AGAP1: variants seen among roughly 807,000 people sequenced by gnomAD.
AGAP1 encodes ArfGAP with GTPase domain, ankyrin repeat and PH domain 1, also known as arf-GAP with GTPase, ANK repeat and PH domain-containing protein 1.
In AGAP1, 29 loss-of-function variants were observed where a neutral mutation model predicts 105.3. The observed-to-expected ratio is 0.28, with a 90% CI of 0.21 to 0.38. The LOEUF (loss-of-function observed/expected upper bound fraction) is 0.38. Among genes scored for constraint, AGAP1 ranks in the 10% least tolerant of loss-of-function variants. AGAP1 has a pLI of 1.00. For missense variants in AGAP1, 998 were observed against 1,165.1 expected (o/e 0.86, Z 2.09); for synonymous variants, 509 against 485.9 (o/e 1.05, Z -0.63).
At chr2:235,656,785 G>T (rs60472451) in intron 1 of AGAP1, among the ~76,000 whole-genome samples, 5,776 of 152,176 alleles carry the variant, frequency 0.038, 296 homozygotes, top group African/African-American at 0.11. Context: ...GAATTAAAAA[G>T]AAAATTTTAT....
chr2:235,670,304 C>T (rs1412039662), intron 1 of AGAP1: 2 of 458,918 alleles, frequency 4.4e-6, no homozygotes, highest in Non-Finnish European at 7.6e-6. Context: ...GCCCGGGAGG[C>T]TTGAGGAGGA....
chr2:235,750,366 C>A lies in AGAP1; in HGVS notation c.551C>A (p.Ser184Tyr). ...VLVGTQDAIS[S>Y]ANPRVIDDAR... ...TCTTCTGTTCCAGATGCCATAAGTT[C>A]TGCTAACCCGAGGGTCATCGATGAC... The change falls in exon 6 of 18, where the codon TCT becomes TAT. Residue 184 changes from serine to tyrosine, a missense_variant. Coordinates refer to ENST00000304032, the MANE Select transcript of AGAP1 (RefSeq NM_001037131.3). This position sits in a 1 kb window ranked among gnomAD's most constrained non-coding sequence, Gnocchi z 5.3. 1 of 1,614,176 alleles carries A rather than the reference C, an allele frequency of 6.2e-7. No homozygotes were observed. Among genetic ancestry groups the A allele is most frequent in the Non-Finnish European group, 8.5e-7 (1 of 1,180,042 alleles).
At chr2:236,011,222 G>A (rs1041013747) in intron 13 of AGAP1, among the ~76,000 whole-genome samples, 1 of 152,158 alleles carries the variant, frequency 6.6e-6, no homozygotes, top group African/African-American at 2.4e-5. Flanking sequence ...GCACCATTGT[G>A]GGGACAGTGC....
chr2:235,694,822 T>C (rs1319254023), intron 1 of AGAP1, among the ~76,000 whole-genome samples: 1 of 152,008 alleles, frequency 6.6e-6, no homozygotes, highest in Non-Finnish European at 1.5e-5. Flanking sequence ...TTATGGGTGA[T>C]TAGGAAGCAA....
intron 1 of AGAP1, among the ~76,000 whole-genome samples, chr2:235,515,068 T>C (rs1187923049): frequency 6.6e-6 from 1 of 152,208 alleles, no homozygotes; most frequent in African/African-American, 2.4e-5. Context: ...ATTTAGGTAA[T>C]GTTTGCCTTA....
Position 235,927,235 on chromosome 2 carries a change from G to A in AGAP1, c.1325-3530G>A, listed in dbSNP as rs1350728523. Among the ~76,000 whole-genome samples the A allele has an allele frequency of 6.6e-6, 1 of 152,128 alleles. No individual in the cohort carries two copies. Among genetic ancestry groups the A allele is most frequent in the Non-Finnish European group, 1.5e-5 (1 of 68,020 alleles). The stretch of plus-strand genomic sequence containing the variant: ...AGAAGGATTGTGGATAGCTGGTCTG[G>A]TGTCTTCCATCTGGACACCAGGAGC... On this transcript the variant is annotated intron_variant, in intron 11 of 17. Coordinates refer to ENST00000304032, the MANE Select transcript of AGAP1 (RefSeq NM_001037131.3). The surrounding 1 kb of genome is among the most constrained non-coding windows in gnomAD (Gnocchi z 4.4).
rs908213294 is a variant in AGAP1, at chr2:235,982,183, G to A, written c.1645+13560G>A. Reference sequence around the variant, plus strand: ...TGGCATATATAATGATGATCTCTTCGCAGCCTGGTAATTTTACCTGGACAA... The same window carrying A: ...TGGCATATATAATGATGATCTCTTCACAGCCTGGTAATTTTACCTGGACAA... On this transcript the variant is annotated intron_variant, in intron 13 of 17. Transcript: ENST00000304032. This position sits in a 1 kb window ranked among gnomAD's most constrained non-coding sequence, Gnocchi z 4.9. Among the ~76,000 whole-genome samples, 9 of 152,112 alleles carry A rather than the reference G, an allele frequency of 5.9e-5. No individual in the cohort carries two copies. The highest frequency in any genetic ancestry group is 7.3e-5 in the Non-Finnish European group (5 of 68,030).
chr2:235,844,999 T>G (rs72985022), intron 9 of AGAP1, among the ~76,000 whole-genome samples: 1 of 152,282 alleles, frequency 6.6e-6, no homozygotes, highest in Non-Finnish European at 1.5e-5. Context: ...GCAATTATAG[T>G]TTGCTGTTCC....
Position 235,712,097 on chromosome 2 carries a change from T to C in AGAP1, c.222+2860T>C, listed in dbSNP as rs1950887267. On this transcript the variant is annotated intron_variant, in intron 2 of 17. Transcript: ENST00000304032. This position sits in a 1 kb window ranked among gnomAD's most constrained non-coding sequence, Gnocchi z 6.0. ...TGGAGTGCAGTGGCGCCATCTCGGC[T>C]CACTGCAACCTGCCTCCTGGGTTCA... 6.6e-6 allele frequency among the ~76,000 whole-genome samples: 1 copy of C among 152,170 alleles called. No individual in the cohort carries two copies. Among genetic ancestry groups the C allele is most frequent in the Admixed American group, 6.5e-5 (1 of 15,286 alleles).
intron 1 of AGAP1, chr2:235,670,220 C>T: frequency 3.5e-6 from 2 of 571,088 alleles, no homozygotes; most frequent in Non-Finnish European, 6.4e-6. Context: ...GAAGGAGCAG[C>T]TGGCCGCGCC....
Position 235,882,397 on chromosome 2 carries a change from C to A in AGAP1, c.1051-948C>A. 1 of 1,576,250 alleles carries A rather than the reference C, an allele frequency of 6.3e-7. No homozygotes were observed. ...TCACTCCGCTTCTGCCCAGTGGTCT[C>A]TTTGGTCGGCAGGGTGTTCTTCTCC... On this transcript the variant is annotated intron_variant, in intron 9 of 17. Coordinates refer to ENST00000304032, the MANE Select transcript of AGAP1 (RefSeq NM_001037131.3). This position sits in a 1 kb window ranked among gnomAD's most constrained non-coding sequence, Gnocchi z 4.6.
intron 9 of AGAP1, among the ~76,000 whole-genome samples, chr2:235,850,124 T>C (rs938269485): frequency 6.6e-6 from 1 of 152,122 alleles, no homozygotes; most frequent in Non-Finnish European, 1.5e-5. Flanking sequence ...CTCTTAACAG[T>C]GCTGTGGACA....
chr2:235,658,438 A>G (rs561634435), intron 1 of AGAP1, among the ~76,000 whole-genome samples: 169 of 152,306 alleles, frequency 1.1e-3, no homozygotes, highest in African/African-American at 3.8e-3. Context: ...TTATGGCTTT[A>G]TAAGTGAGTA....
chr2:235,945,947 C>G (rs890654236), intron 12 of AGAP1, among the ~76,000 whole-genome samples: 1 of 151,968 alleles, frequency 6.6e-6, no homozygotes, highest in African/African-American at 2.4e-5. Context: ...GTGACCAGAT[C>G]TCATGAGACC....
chr2:236,011,243 C>T (rs1180014730), intron 13 of AGAP1, among the ~76,000 whole-genome samples: 3 of 152,294 alleles, frequency 2.0e-5, no homozygotes, highest in South Asian at 2.1e-4. Context: ...TGTCCTCCCA[C>T]GAGTGGCATT....
Position 235,659,050 on chromosome 2 carries a change from C to A in AGAP1, c.164-50129C>A, listed in dbSNP as rs993387348. The stretch of plus-strand genomic sequence containing the variant: ...CCTTTGAGAGGCCCTCCATTGTTCC[C>A]GCCCTGCCAACTTCCACGCCAGCCT... On this transcript the variant is annotated intron_variant, in intron 1 of 17. Coordinates refer to ENST00000304032, the MANE Select transcript of AGAP1 (RefSeq NM_001037131.3). The surrounding 1 kb of genome is among the most constrained non-coding windows in gnomAD (Gnocchi z 5.0). 6.6e-6 allele frequency among the ~76,000 whole-genome samples: 1 copy of A among 152,180 alleles called. No individual in the cohort carries two copies. Among genetic ancestry groups the A allele is most frequent in the Non-Finnish European group, 1.5e-5 (1 of 68,040 alleles).
intron 1 of AGAP1, among the ~76,000 whole-genome samples, chr2:235,704,773 A>AGG (rs1450602223): frequency 2.0e-5 from 3 of 152,098 alleles, no homozygotes. Flanking sequence ...GCAGATAATG[A>AGG]GGGAGGGATT....
intron 1 of AGAP1, among the ~76,000 whole-genome samples, chr2:235,567,156 C>G (rs567519112): frequency 1.3e-5 from 2 of 152,338 alleles, no homozygotes; most frequent in Non-Finnish European, 2.9e-5. Context: ...GGCAGTGTGC[C>G]CACCCCCAGG....
At position 235,792,660 on chromosome 2, in the gene AGAP1, G is replaced by T. The variant is rs183385015; in HGVS notation, c.674-5099G>T. Among the ~76,000 whole-genome samples the T allele has an allele frequency of 2.6e-5, 4 of 152,196 alleles. No individual in the cohort carries two copies. The highest frequency in any genetic ancestry group is 2.0e-4 in the Admixed American group (3 of 15,280). On this transcript the variant is annotated intron_variant, in intron 6 of 17. Transcript: ENST00000304032. The surrounding 1 kb of genome is among the most constrained non-coding windows in gnomAD (Gnocchi z 5.3). ...TGGTGGTTGAACCAATCATCTGTTAGGTCTGTTCTGTCCATGGTGAAGAGC... is the reference window on the plus strand; with the variant it reads ...TGGTGGTTGAACCAATCATCTGTTATGTCTGTTCTGTCCATGGTGAAGAGC...
Sources: gnomAD v4.1 joint callset for allele counts (sites outside exome capture counted in the v4.1 genomes callset) on GRCh38, gnomAD v4.1.1 for gene constraint, Gnocchi (gnomAD v3.1) non-coding constraint, MANE v1.5 for transcripts, NCBI Gene and HGNC (gene_info 2026-07-23, HGNC 2026-07-21) for gene names.